ITPR1: variants seen among roughly 807,000 people sequenced by gnomAD.
The protein encoded by ITPR1 is inositol 1,4,5-trisphosphate receptor type 1, also known as inositol 1,4,5-trisphosphate-gated calcium channel ITPR1.
Under a neutral mutation model 318.4 loss-of-function variants are expected in ITPR1, and 96 were observed. That is an observed-to-expected ratio of 0.30 (90% CI 0.26 to 0.36). The LOEUF is 0.36. ITPR1 is among the 10% of genes least tolerant of loss of function. ITPR1 has a pLI of 1.00. For synonymous variants in ITPR1, 1,312 were observed against 1,289.9 expected (o/e 1.02, Z -0.37); for missense variants, 2,440 against 3,460.2 (o/e 0.71, Z 7.40).
At chr3:4,503,782 G>A (rs969743604) in intron 2 of ITPR1, among the ~76,000 whole-genome samples, 1 of 152,078 alleles carries the variant, frequency 6.6e-6, no homozygotes, top group Non-Finnish European at 1.5e-5. Flanking sequence ...TTTCTGGCTT[G>A]GTGAGACTTT....
chr3:4,580,042 C>G (rs537600551), intron 4 of ITPR1, among the ~76,000 whole-genome samples: 28 of 152,190 alleles, frequency 1.8e-4, no homozygotes, highest in African/African-American at 6.7e-4. Flanking sequence ...AACCCTGTCT[C>G]TACTAAAAAT....
chr3:4,673,365 C>T lies in ITPR1; in HGVS notation c.2434C>T (p.Pro812Ser). The T allele has an allele frequency of 6.2e-7, 1 of 1,609,150 alleles. No homozygotes were observed. Among genetic ancestry groups the T allele is most frequent in the Non-Finnish European group, 8.5e-7 (1 of 1,176,074 alleles). Residue 812 changes from proline (P) to serine (S), a missense_variant, in exon 21 of 62, where the codon CCC (proline) becomes TCC (serine). Physicochemically the swap from Pro to Ser is moderately conservative, Grantham distance 74 (BLOSUM62 -1). Transcript: ENST00000649015. ...ATATGCCCGCCTCTGGTCGGAGATT[C>T]CCTCGGAGATCGCCATTGACGAGTG... is the stretch of plus-strand genomic sequence containing the variant. ...VKYARLWSEI[P>S]SEIAIDDYDS...
At chr3:4,822,671 C>T (rs931556979) in intron 60 of ITPR1, among the ~76,000 whole-genome samples, 3 of 152,188 alleles carry the variant, frequency 2.0e-5, no homozygotes, top group African/African-American at 7.2e-5. Context: ...TCATGGTTCA[C>T]TGGTAGATTT....
In ITPR1 at chr3:4,748,917, G is replaced by A. The variant is rs368112286; in HGVS notation, c.5544+13563G>A. ...TTGTATTGGTTCCCAGCAGACCCTC[G>A]CTGTTCGTACTGTAGAAGGCAGAAG... On this transcript the variant is annotated intron_variant, in intron 44 of 61. Coordinates refer to ENST00000649015, the MANE Select transcript of ITPR1 (RefSeq NM_001378452.1). Among the ~76,000 whole-genome samples, 69 of 152,300 alleles carry A rather than the reference G, an allele frequency of 4.5e-4. 1 individual carries two copies. In the South Asian group the frequency reaches 0.011, roughly 23 times the overall value.
At chr3:4,509,699 A>C (rs1056842884) in intron 2 of ITPR1, among the ~76,000 whole-genome samples, 1 of 152,164 alleles carries the variant, frequency 6.6e-6, no homozygotes, top group East Asian at 1.9e-4. Context: ...CAGGAGGCTG[A>C]GGTGGGAGGA....
intron 4 of ITPR1, among the ~76,000 whole-genome samples, chr3:4,599,372 TA>T (rs1339231076): frequency 6.6e-6 from 1 of 152,248 alleles, no homozygotes; most frequent in African/African-American, 2.4e-5. Flanking sequence ...TTAATTGGTT[TA>T]CCCTTACAGT....
intron 42 of ITPR1, 44 bp downstream of exon 42, chr3:4,727,217 G>T: frequency 7.1e-7 from 1 of 1,411,386 alleles, no homozygotes; most frequent in South Asian, 1.2e-5. Context: ...AATGATCAAT[G>T]ACCGTAACAC....
At chr3:4,726,322 G>A (rs1036601445) in intron 41 of ITPR1, among the ~76,000 whole-genome samples, 4 of 146,280 alleles carry the variant, frequency 2.7e-5, no homozygotes, top group African/African-American at 1.0e-4. Flanking sequence ...GAGGCTCTGC[G>A]CCCAGCCTAT....
intron 4 of ITPR1, among the ~76,000 whole-genome samples, chr3:4,622,253 T>C (rs1391573272): frequency 2.0e-5 from 3 of 151,508 alleles, no homozygotes; most frequent in African/African-American, 4.9e-5. Flanking sequence ...TAGCTGGGAC[T>C]ACAGGCGCAT....
chr3:4,545,083 A>G (rs2084839262), intron 4 of ITPR1, among the ~76,000 whole-genome samples: 1 of 152,110 alleles, frequency 6.6e-6, no homozygotes, highest in East Asian at 1.9e-4. Context: ...GGTGTGAGCC[A>G]CTGTGCTCAG....
intron 44 of ITPR1, among the ~76,000 whole-genome samples, chr3:4,756,639 C>A (rs111678292): frequency 6.6e-6 from 1 of 152,108 alleles, no homozygotes; most frequent in African/African-American, 2.4e-5. Flanking sequence ...GCTCCATCCA[C>A]GTTCCCACAA....
chr3:4,580,949 G>A (rs114850193), intron 4 of ITPR1, among the ~76,000 whole-genome samples: 1 of 152,060 alleles, frequency 6.6e-6, no homozygotes, highest in Non-Finnish European at 1.5e-5. Flanking sequence ...TACCAATCAC[G>A]TTAGGTGCCA....
chr3:4,813,111 G>T (rs1237671575), intron 56 of ITPR1, 31 bp from the exon 57 acceptor site: 1 of 1,553,540 alleles, frequency 6.4e-7, no homozygotes, highest in East Asian at 2.2e-5. Flanking sequence ...CTGCCAGATT[G>T]TTCATCATAA....
chr3:4,782,858 A>G, intron 50 of ITPR1, 117 bp downstream of exon 50: 2 of 956,826 alleles, frequency 2.1e-6, no homozygotes, highest in South Asian at 3.8e-5. Flanking sequence ...GACTGTCTGT[A>G]CTCATGAGCC....
chr3:4,790,259 T>C (rs2047470781), intron 52 of ITPR1, among the ~76,000 whole-genome samples: 1 of 152,190 alleles, frequency 6.6e-6, no homozygotes, highest in Non-Finnish European at 1.5e-5. Context: ...ACAGGCTCCA[T>C]GGCCCTGGGA....
chr3:4,516,753 A>C (rs2082202294), intron 3 of ITPR1, among the ~76,000 whole-genome samples, 170 bp downstream of exon 3: 1 of 152,262 alleles, frequency 6.6e-6, no homozygotes. Flanking sequence ...CCTCTTATAC[A>C]AAAACACAAT....
chr3:4,596,149 C>T (rs896724208), intron 4 of ITPR1: 7 of 152,124 alleles, frequency 4.6e-5, no homozygotes, highest in African/African-American at 1.2e-4. Flanking sequence ...TGCATTTCAC[C>T]GAGCTTAAGT....
At chr3:4,671,721 A>G (rs558633623) in intron 20 of ITPR1, 4 of 152,386 alleles carry the variant, frequency 2.6e-5, no homozygotes, top group African/African-American at 9.6e-5. Context: ...AGAAAAGGAA[A>G]GGGAAGATAA....
intron 45 of ITPR1, among the ~76,000 whole-genome samples, chr3:4,767,604 C>T (rs2045903472): frequency 6.6e-6 from 1 of 152,254 alleles, no homozygotes; most frequent in African/African-American, 2.4e-5. Flanking sequence ...CTGCAACGTC[C>T]AACTCCTGGG....
Sources: allele counts gnomAD v4.1 joint callset (sites outside exome capture counted in the v4.1 genomes callset), GRCh38; gene constraint gnomAD v4.1.1; transcripts MANE v1.5; gene names NCBI Gene and HGNC (gene_info 2026-07-23, HGNC 2026-07-21).